Variants in PTPN12 observed in about 807,000 individuals in gnomAD.
The protein encoded by PTPN12 is tyrosine-protein phosphatase non-receptor type 12.
In PTPN12, 29 loss-of-function variants were observed where a neutral mutation model predicts 97.6. The ratio of observed to expected loss-of-function variants is 0.30; its 90% CI spans 0.22 to 0.41. The LOEUF (loss-of-function observed/expected upper bound fraction) is 0.41, where lower values mean the gene tolerates loss of function less well. Among genes scored for constraint, PTPN12 ranks in the 10% least tolerant of loss-of-function variants. The probability of loss-of-function intolerance (pLI) is 1.00; values close to 1 mark genes in which losing one functional copy is unlikely to be tolerated. For missense variants in PTPN12, 819 were observed against 926.0 expected (o/e 0.88, Z 1.50); for synonymous variants, 327 against 300.4 (o/e 1.09, Z -0.91).
Position 77,607,007 on chromosome 7 carries a change from T to C in PTPN12, c.696-228T>C, listed in dbSNP as rs1788397861. The stretch of plus-strand genomic sequence containing the variant: ...TGCCTGATTTATAAATTAAACTTTA[T>C]CATAGGTATGTACATATAGGAAAAA... On this transcript the variant is annotated intron_variant, in intron 8 of 17. Transcript: ENST00000248594. 4 of 296,788 alleles carry C rather than the reference T, an allele frequency of 1.3e-5. No homozygotes were observed. In the South Asian group the frequency reaches 3.4e-4, roughly 25 times the overall value. The allele number at this position is 296,788 out of a possible 1,614,324, so 18.4% of individuals were successfully genotyped here.
At chr7:77,590,302 G>A (rs550305354) in intron 5 of PTPN12, among the ~76,000 whole-genome samples, 23 of 152,254 alleles carry the variant, frequency 1.5e-4, no homozygotes, top group African/African-American at 5.3e-4. Context: ...TAGTCACACC[G>A]CTTTCTATTC....
intron 1 of PTPN12, among the ~76,000 whole-genome samples, chr7:77,551,367 G>C (rs1316290515): frequency 6.6e-6 from 1 of 152,188 alleles, no homozygotes; most frequent in African/African-American, 2.4e-5. Context: ...TCCATTGAAA[G>C]CTCTGCTCTT....
chr7:77,552,088 A>G (rs1012817287), intron 1 of PTPN12, among the ~76,000 whole-genome samples: 22 of 152,218 alleles, frequency 1.4e-4, no homozygotes, highest in African/African-American at 5.3e-4. Context: ...GTTTATTTTA[A>G]AATTACTTTA....
At position 77,625,472 on chromosome 7, in the gene PTPN12, G is replaced by GCTCGCGCGCGCTCTCTCTCTCTCTCT; in HGVS notation, c.1026-1230_1026-1229insGCGCGCGCTCTCTCTCTCTCTCTCTC. On this transcript the variant is annotated intron_variant, in intron 12 of 17. Transcript: ENST00000248594. ...TTTTGCCATATTGCCCAGGCTGCTC[G>GCTCGCGCGCGCTCTCTCTCTCTCTCT]CTCTCTCTCTCTCTCTCTCTCTCTC... Among the ~76,000 whole-genome samples the GCTCGCGCGCGCTCTCTCTCTCTCTCT allele has an allele frequency of 7.2e-3, 241 of 33,508 alleles. 45 individuals are homozygous for GCTCGCGCGCGCTCTCTCTCTCTCTCT. The highest frequency in any genetic ancestry group is 0.012 in the Admixed American group (23 of 1,984). 22.0% of individuals were successfully genotyped at this position (33,508 alleles called of 152,430 possible).
chr7:77,628,355 T>A (rs1427782195), intron 13 of PTPN12, among the ~76,000 whole-genome samples: 2 of 152,192 alleles, frequency 1.3e-5, no homozygotes, highest in African/African-American at 4.8e-5. Context: ...TATTGCTTCT[T>A]GAAACTCCTC....
At chr7:77,556,338 C>T (rs114579031) in intron 1 of PTPN12, among the ~76,000 whole-genome samples, 342 of 151,660 alleles carry the variant, frequency 2.3e-3, no homozygotes, top group Middle Eastern at 0.01. Context: ...GCTGGGATTA[C>T]AGGCATGAGC....
rs1191334776 is a variant in PTPN12 at position 77,591,216 on chromosome 7, A to G, written c.421-969A>G. The stretch of plus-strand genomic sequence containing the variant: ...TTATAGTTCATTCAGCCTATAGGTA[A>G]TAACTCCATTTACTGTATTTGGAAC... On this transcript the variant is annotated intron_variant, in intron 5 of 17. Coordinates refer to ENST00000248594, the MANE Select transcript of PTPN12 (RefSeq NM_002835.4). Among the ~76,000 whole-genome samples, 3 of 152,206 alleles carry G rather than the reference A, an allele frequency of 2.0e-5. No individual in the cohort carries two copies. The East Asian group carries it at 5.8e-4, about 29-fold the overall frequency.
rs559677757 is a variant in PTPN12, at chr7:77,634,976, G to C, written c.2075-806G>C. 1.6e-3 allele frequency among the ~76,000 whole-genome samples: 236 copies of C among 152,168 alleles called. 1 individual carries two copies. Among genetic ancestry groups the C allele is most frequent in the African/African-American group, 5.4e-3 (226 of 41,534 alleles). On this transcript the variant is annotated intron_variant, in intron 14 of 17. Transcript: ENST00000248594. ...AGCTGTTCTCCTGCCTCAGCCTCCT[G>C]AGTAGCTGCGATTAGAGGCATACAC...
chr7:77,588,537 AAG>A (rs1787765633), intron 5 of PTPN12, among the ~76,000 whole-genome samples: 1 of 152,224 alleles, frequency 6.6e-6, no homozygotes, highest in Non-Finnish European at 1.5e-5. Context: ...GGAATACTGC[AAG>A]AGTTTCCAAA....
rs763301077 is a variant in PTPN12, at chr7:77,581,482, T to C, written c.264T>C (p.Tyr88=). Residue 88 remains tyrosine (Y), a synonymous_variant, in exon 3 of 18, where the codon TAT becomes TAC. Coordinates refer to ENST00000248594, the MANE Select transcript of PTPN12 (RefSeq NM_002835.4). The part of the protein sequence containing the change: ...TLKTPSQDSD[Y]INANFIKGVY... ...AGACTCCTTCACAAGATTCAGACTA[T>C]ATCAATGCAAATTTTATAAAGGTAT... is the stretch of plus-strand genomic sequence containing the variant. 18 of 1,598,808 alleles carry C rather than the reference T, an allele frequency of 1.1e-5. No individual in the cohort carries two copies. In the South Asian group the frequency reaches 1.4e-4, roughly 13 times the overall value.
At chr7:77,538,268 C>G (rs2151290259) in intron 1 of PTPN12, among the ~76,000 whole-genome samples, 1 of 152,268 alleles carries the variant, frequency 6.6e-6, no homozygotes, top group South Asian at 2.1e-4. Flanking sequence ...TACCCGCGTC[C>G]CGCTTCTCCT....
chr7:77,601,624 A>G (rs1228708225), intron 8 of PTPN12, among the ~76,000 whole-genome samples: 1 of 152,162 alleles, frequency 6.6e-6, no homozygotes, highest in African/African-American at 2.4e-5. Flanking sequence ...ATCACTGCCA[A>G]TTATAAGGGG....
intron 1 of PTPN12, among the ~76,000 whole-genome samples, chr7:77,558,222 A>G (rs545622388): frequency 9.2e-5 from 14 of 151,588 alleles, no homozygotes; most frequent in African/African-American, 2.7e-4. Context: ...AAAAAAAAAA[A>G]AAAAAGAAAA....
At chr7:77,629,228 C>T (rs1359949991) in intron 13 of PTPN12, among the ~76,000 whole-genome samples, 1 of 152,202 alleles carries the variant, frequency 6.6e-6, no homozygotes, top group Non-Finnish European at 1.5e-5. Context: ...GGATTACAGG[C>T]GTGAGCCACC....
chr7:77,573,073 ACT>A (rs1312165187), intron 2 of PTPN12, among the ~76,000 whole-genome samples: 1 of 129,006 alleles, frequency 7.8e-6, no homozygotes, highest in African/African-American at 3.2e-5. Flanking sequence ...ACAGAGTAAG[ACT>A]CTATCTCAAA....
At chr7:77,630,501 T>C (rs1789361694) in intron 13 of PTPN12, among the ~76,000 whole-genome samples, 1 of 152,234 alleles carries the variant, frequency 6.6e-6, no homozygotes, top group Non-Finnish European at 1.5e-5. Context: ...CAAACTTGTA[T>C]AGCATATTAC....
chr7:77,588,387 C>T (rs1012286896), intron 5 of PTPN12, among the ~76,000 whole-genome samples: 1 of 152,192 alleles, frequency 6.6e-6, no homozygotes, highest in Non-Finnish European at 1.5e-5. Flanking sequence ...GTCAATGGAA[C>T]AGTGAGAATG....
At chr7:77,575,247 T>C (rs979148319) in intron 2 of PTPN12, among the ~76,000 whole-genome samples, 1 of 152,164 alleles carries the variant, frequency 6.6e-6, no homozygotes, top group African/African-American at 2.4e-5. Flanking sequence ...CCCAGCACTT[T>C]AGGAGGCCAA....
At chr7:77,610,728 G>T (rs1361186086) in intron 9 of PTPN12, 37 bp from the exon 10 acceptor site, 1 of 1,537,378 alleles carries the variant, frequency 6.5e-7, no homozygotes, top group South Asian at 1.2e-5. Context: ...TTTCTGAATA[G>T]ATACACAAAG....
Sources: gnomAD v4.1 joint callset for allele counts (sites outside exome capture counted in the v4.1 genomes callset) on GRCh38, gnomAD v4.1.1 for gene constraint, MANE v1.5 for transcripts, NCBI Gene and HGNC (gene_info 2026-07-23, HGNC 2026-07-21) for gene names.